CHD4: variants seen among roughly 807,000 people sequenced by gnomAD.
CHD4 encodes ATP-dependent chromatin remodeler CHD4.
Under a neutral mutation model 235.5 loss-of-function variants are expected in CHD4, and 35 were observed. The observed-to-expected ratio is 0.15, with a 90% CI of 0.11 to 0.20. The LOEUF (loss-of-function observed/expected upper bound fraction) is 0.20. CHD4 is among the 10% of genes least tolerant of loss of function. The probability of loss-of-function intolerance (pLI) is 1.00; values close to 1 mark genes in which losing one functional copy is unlikely to be tolerated. For synonymous variants in CHD4, 900 were observed against 850.2 expected (o/e 1.06, Z -1.02); for missense variants, 1,329 against 2,432.3 (o/e 0.55, Z 9.54).
rs767930607 is a variant in CHD4, at chr12:6,593,554, C to G, written c.2376G>C (p.Arg792=). The change falls in exon 16 of 40, where the codon CGG becomes CGC. Residue 792 remains arginine (R), a synonymous_variant. Transcript: ENST00000544040. The surrounding 1 kb of genome is among the most constrained non-coding windows in gnomAD (Gnocchi z 4.9). ...APLSTIINWE[R]EFEMWAPDMY... is the part of the protein sequence containing the mutation. ...TGTCTGGAGCCCACATTTCAAACTC[C>G]CGCTCCCAGTTGATGATGGTAGAAA... The G allele has an allele frequency of 9.9e-6, 16 of 1,614,126 alleles. No homozygotes were observed. Among genetic ancestry groups the G allele is most frequent in the Non-Finnish European group, 1.3e-5 (15 of 1,180,040 alleles).
At chr12:6,594,682 G>T in intron 14 of CHD4, 32 bp from the exon 15 acceptor site, 1 of 1,590,442 alleles carries the variant, frequency 6.3e-7, no homozygotes, top group Non-Finnish European at 8.6e-7. Context: ...TCAAGAGCTG[G>T]CAAGGAACTC....
In CHD4 at chr12:6,593,538, C is replaced by T; in HGVS notation, c.2392G>A (p.Ala798Thr). 1 of 1,614,100 alleles carries T rather than the reference C, an allele frequency of 6.2e-7. No homozygotes were observed. Among genetic ancestry groups the T allele is most frequent in the Non-Finnish European group, 8.5e-7 (1 of 1,180,034 alleles). Residue 798 changes from alanine to threonine, a missense_variant, in exon 16 of 40, where the codon GCT becomes ACT. Physicochemically the swap from Ala to Thr is moderately conservative, Grantham distance 58. This residue lies in a region of CHD4 where 78 missense variants were observed against 174.8 expected (regional missense o/e 0.45). Transcript: ENST00000544040. This position sits in a 1 kb window ranked among gnomAD's most constrained non-coding sequence, Gnocchi z 4.9. Reference protein sequence around the residue: ...INWEREFEMWAPDMYVVTYVG... With the variant: ...INWEREFEMWTPDMYVVTYVG... ...TAGGTTACGACATACATGTCTGGAG[C>T]CCACATTTCAAACTCCCGCTCCCAG...
rs561780659 is a variant in CHD4 at position 6,598,987 on chromosome 12, C to G, written c.1483-562G>C. 4.6e-5 allele frequency among the ~76,000 whole-genome samples: 7 copies of G among 152,318 alleles called. 1 individual carries two copies. The highest frequency in any genetic ancestry group is 1.7e-4 in the African/African-American group (7 of 41,564). On this transcript the variant is annotated intron_variant, in intron 10 of 39. Transcript: ENST00000544040. ...GAATTCCCTCTCCATTTCTGGACAT[C>G]GTCCAGGATTTGCGTGCCACCATCA...
chr12:6,590,152 C>T (rs777012922), intron 22 of CHD4: 5 of 152,086 alleles, frequency 3.3e-5, no homozygotes, highest in African/African-American at 4.8e-5. Flanking sequence ...GAGTCAAGAT[C>T]GCGCCACTGC....
intron 10 of CHD4, among the ~76,000 whole-genome samples, chr12:6,599,173 T>A (rs1187579605): frequency 1.3e-5 from 2 of 152,206 alleles, no homozygotes; most frequent in Non-Finnish European, 2.9e-5. Context: ...GGTAAACACC[T>A]GTAATGCCAG....
At chr12:6,582,528 T>C (rs1404080718) in intron 29 of CHD4, 87 bp downstream of exon 29, 49 of 1,515,550 alleles carry the variant, frequency 3.2e-5, no homozygotes, top group Non-Finnish European at 4.2e-5. Context: ...CCCACTTCCC[T>C]GCACGGCTAG....
At position 6,570,180 on chromosome 12, in the gene CHD4, T is replaced by C. The variant is rs1947933983; in HGVS notation, c.*496A>G. 1 of 155,182 alleles carries C rather than the reference T, an allele frequency of 6.4e-6. No homozygotes were observed. Among genetic ancestry groups the C allele is most frequent in the Non-Finnish European group, 1.4e-5 (1 of 70,056 alleles). 9.6% of individuals were successfully genotyped at this position (155,182 alleles called of 1,614,324 possible). A position where few individuals can be genotyped will look rare whatever the true frequency, so the allele number is the denominator to read the frequency against. On this transcript the variant is annotated 3_prime_UTR_variant, in exon 40 of 40. Transcript: ENST00000544040. ...TCCTTTTTTTTTTTTTCCACTTTATTTCATTTAGCCGCTCAGTGGCTAGAG... is the reference window on the plus strand; with the variant it reads ...TCCTTTTTTTTTTTTTCCACTTTATCTCATTTAGCCGCTCAGTGGCTAGAG...
At chr12:6,577,560 T>C (rs1240616481) in intron 37 of CHD4, among the ~76,000 whole-genome samples, 1 of 152,218 alleles carries the variant, frequency 6.6e-6, no homozygotes, top group Non-Finnish European at 1.5e-5. Flanking sequence ...TCTGCACTAG[T>C]GTGTCACTGA....
chr12:6,602,520 G>C, intron 2 of CHD4, 23 bp from the exon 3 acceptor site: 1 of 1,608,650 alleles, frequency 6.2e-7, no homozygotes. Context: ...GGCAAAGAGT[G>C]GTAGGCAGGG....
At chr12:6,580,531 A>T (rs1351710057) in intron 33 of CHD4, 1 of 152,890 alleles carries the variant, frequency 6.5e-6, no homozygotes, top group Non-Finnish European at 1.4e-5. Flanking sequence ...ATATGGAGAA[A>T]CCCCCTCTCT....
intron 37 of CHD4, among the ~76,000 whole-genome samples, chr12:6,575,667 C>A (rs1948057930): frequency 6.6e-6 from 1 of 152,116 alleles, no homozygotes; most frequent in African/African-American, 2.4e-5. Flanking sequence ...AATGCTGTTT[C>A]CATTTCCCTT....
intron 2 of CHD4, 86 bp downstream of exon 2, chr12:6,606,188 C>G (rs1319508826): frequency 1.3e-5 from 12 of 891,978 alleles, no homozygotes; most frequent in Non-Finnish European, 2.1e-5. Context: ...GACAGCGGAG[C>G]AACACAGCCC....
chr12:6,604,298 C>T lies in CHD4; in HGVS notation c.101-1801G>A, dbSNP rs149071560. On this transcript the variant is annotated intron_variant, in intron 2 of 39. Transcript: ENST00000544040. ...CAAAAATAAAAAAGAAAATAATATC[C>T]CTCCTTCAATCCCTGACATGTTCTT... Among the ~76,000 whole-genome samples, 4 of 151,878 alleles carry T rather than the reference C, an allele frequency of 2.6e-5. No individual in the cohort carries two copies. In the East Asian group the frequency reaches 7.7e-4, roughly 29 times the overall value.
chr12:6,570,703 G>A lies in CHD4; in HGVS notation c.5722-10C>T, dbSNP rs1947950700. On this transcript the variant is annotated splice_polypyrimidine_tract_variant and intron_variant, in intron 39 of 39. Transcript: ENST00000544040. Reference sequence around the variant, plus strand: ...ACTGCTGCTGGGCTACCTAGAGAAGGAGACCCGAGGAGTCAGAATTCCAGA... The same window carrying A: ...ACTGCTGCTGGGCTACCTAGAGAAGAAGACCCGAGGAGTCAGAATTCCAGA... 1.2e-6 allele frequency: 2 copies of A among 1,614,016 alleles called. No individual in the cohort carries two copies. The highest frequency in any genetic ancestry group is 1.7e-6 in the Non-Finnish European group (2 of 1,180,034).
chr12:6,582,279 G>A lies in CHD4; in HGVS notation c.4373C>T (p.Ala1458Val). The part of the protein sequence containing the change: ...LRGKSEKEFK[A>V]YVSLFMRHLC... The stretch of plus-strand genomic sequence containing the variant: ...ATGCCGCATGAAAAGAGAGACATAT[G>A]CCCTGTGTAAAGAAGTAGAGAAAGA... Residue 1458 changes from alanine (A) to valine (V), a missense_variant and splice_region_variant, in exon 30 of 40, where the codon GCA (alanine) becomes GTA (valine). Ala to Val is a moderately conservative substitution (Grantham distance 64, BLOSUM62 0). Transcript: ENST00000544040. 2.5e-6 allele frequency: 4 copies of A among 1,575,004 alleles called. No homozygotes were observed. The highest frequency in any genetic ancestry group is 1.4e-5 in the African/African-American group (1 of 72,724).
At chr12:6,580,386 TG>T (rs1948159390) in intron 33 of CHD4, 1 of 152,038 alleles carries the variant, frequency 6.6e-6, no homozygotes, top group African/African-American at 2.4e-5. Flanking sequence ...CGAGTGACCA[TG>T]GTTCACACAG....
chr12:6,595,934 G>C, intron 13 of CHD4, 72 bp downstream of exon 13: 1 of 1,497,356 alleles, frequency 6.7e-7, no homozygotes, highest in Non-Finnish European at 8.9e-7. Context: ...CTACAGCTTG[G>C]TGACAGAGCA....
At chr12:6,594,267 CAT>C (rs1035150739) in intron 15 of CHD4, among the ~76,000 whole-genome samples, 190 bp downstream of exon 15, 4 of 152,208 alleles carry the variant, frequency 2.6e-5, no homozygotes, top group Admixed American at 2.6e-4. Flanking sequence ...CCGCTGTGTA[CAT>C]GTGTTTATCC....
At position 6,578,466 on chromosome 12, in the gene CHD4, G is replaced by C; in HGVS notation, c.5062C>G (p.Gln1688Glu). The C allele has an allele frequency of 1.2e-6, 2 of 1,613,948 alleles. No homozygotes were observed. Among genetic ancestry groups the C allele is most frequent in the Non-Finnish European group, 1.7e-6 (2 of 1,180,002 alleles). ...AAACGTTGTTTAATATTTTTCTTCT[G>C]TTTCTCATCATTCAGGTCCTTGGGG... ...ETPKDLNDEK[Q>E]KKNIKQRFMF... Residue 1688 changes from glutamine to glutamate, a missense_variant, in exon 35 of 40, where the codon CAG (glutamine) becomes GAG (glutamate). Physicochemically the swap from Gln to Glu is conservative, Grantham distance 29 (BLOSUM62 2). Transcript: ENST00000544040.
Sources: allele counts gnomAD v4.1 joint callset (sites outside exome capture counted in the v4.1 genomes callset), GRCh38; gene constraint gnomAD v4.1.1; regional missense constraint gnomAD v4.1.1; non-coding constraint Gnocchi (gnomAD v3.1); transcripts MANE v1.5; gene names NCBI Gene and HGNC (gene_info 2026-07-23, HGNC 2026-07-21).